Variants in TBC1D5 observed in about 807,000 individuals in gnomAD.
TBC1D5 encodes TBC1 domain family, member 5.
Under a neutral mutation model 100.3 loss-of-function variants are expected in TBC1D5, and 75 were observed. That is an observed-to-expected ratio of 0.75 (90% CI 0.62 to 0.91). TBC1D5 has a LOEUF of 0.91. TBC1D5 is among the 40% of genes least tolerant of loss of function. The pLI is 0.00. For missense variants in TBC1D5, 910 were observed against 942.4 expected, an observed-to-expected ratio of 0.97 and a Z score of 0.45; for synonymous variants, 323 against 325.6, an observed-to-expected ratio of 0.99 and a Z score of 0.09.
intron 2 of TBC1D5, among the ~76,000 whole-genome samples, chr3:17,569,142 T>C (rs945733150): frequency 6.6e-6 from 1 of 151,796 alleles, no homozygotes; most frequent in Non-Finnish European, 1.5e-5. Flanking sequence ...TTATCCTACA[T>C]CATCTAAAAA....
rs111582657 is a variant in TBC1D5 at position 17,576,260 on chromosome 3, A to T, written c.-36+47589T>A. ...AAAAAATGATGGGGGTTGAGAGGTG[A>T]TGGAGGTTTTAAGAGCATGAAGGAA... On this transcript the variant is annotated intron_variant, in intron 2 of 21. Transcript: ENST00000253692. 6.1e-3 allele frequency among the ~76,000 whole-genome samples: 931 copies of T among 152,200 alleles called. 5 individuals are homozygous for T. Among genetic ancestry groups the T allele is most frequent in the Non-Finnish European group, 0.011 (714 of 67,982 alleles).
At chr3:17,161,854 G>C (rs1304176333) in intron 21 of TBC1D5, among the ~76,000 whole-genome samples, 2 of 150,978 alleles carry the variant, frequency 1.3e-5, no homozygotes, top group African/African-American at 2.4e-5. Context: ...GCTCATCTTG[G>C]GTATGCACAC....
chr3:17,697,189 C>T (rs562951402), intron 1 of TBC1D5, among the ~76,000 whole-genome samples: 29 of 152,248 alleles, frequency 1.9e-4, no homozygotes, highest in African/African-American at 6.3e-4. Context: ...CTTGGAAAAT[C>T]GGCACAAGAC....
intron 13 of TBC1D5, among the ~76,000 whole-genome samples, chr3:17,316,369 G>C (rs1334776539): frequency 6.6e-6 from 1 of 152,168 alleles, no homozygotes; most frequent in African/African-American, 2.4e-5. Context: ...TCAGTAGAGA[G>C]AAGTTGCAGA....
At chr3:17,400,513 G>C (rs372711432) in intron 8 of TBC1D5, among the ~76,000 whole-genome samples, 2 of 152,248 alleles carry the variant, frequency 1.3e-5, no homozygotes, top group African/African-American at 4.8e-5. Flanking sequence ...AATGTGGAGA[G>C]AGCCATGGGA....
At chr3:17,713,043 T>C (rs980322534) in intron 1 of TBC1D5, among the ~76,000 whole-genome samples, 6 of 152,148 alleles carry the variant, frequency 3.9e-5, no homozygotes, top group African/African-American at 1.4e-4. Flanking sequence ...TAAACCTCTC[T>C]CTTTACTTGA....
chr3:17,316,989 T>C (rs2084776809), intron 13 of TBC1D5, among the ~76,000 whole-genome samples: 1 of 152,174 alleles, frequency 6.6e-6, no homozygotes, highest in African/African-American at 2.4e-5. Context: ...TAATCATTAA[T>C]GGAAAAAATT....
In TBC1D5 at chr3:17,460,597, T is replaced by C. The variant is rs560887667; in HGVS notation, c.98-32078A>G. 2.6e-5 allele frequency among the ~76,000 whole-genome samples: 4 copies of C among 152,250 alleles called. No individual in the cohort carries two copies. The South Asian group carries it at 6.2e-4, about 24-fold the overall frequency. ...GATCATTTCTATTATGTTATCTATT[T>C]TACACACATTTTATAATTTGACTCT... On this transcript the variant is annotated intron_variant, in intron 3 of 21. Transcript: ENST00000253692.
intron 1 of TBC1D5, among the ~76,000 whole-genome samples, chr3:17,637,957 T>C (rs2064118277): frequency 1.3e-5 from 2 of 152,126 alleles, no homozygotes; most frequent in South Asian, 2.1e-4. Context: ...ATCTAAACAG[T>C]TACTATTAGG....
intron 18 of TBC1D5, among the ~76,000 whole-genome samples, chr3:17,213,953 A>G (rs1308008535): frequency 6.6e-6 from 1 of 151,706 alleles, no homozygotes; most frequent in Non-Finnish European, 1.5e-5. Context: ...GTAGAGAAAA[A>G]AAGGACTGGG....
chr3:17,527,187 G>A lies in TBC1D5; in HGVS notation c.-35-18582C>T, dbSNP rs115958217. ...AGAGGCCTAGGGATAGAGAAAGATGGGATATGACTGAAAGCTTATTTGGGA... is the reference window on the plus strand; with the variant it reads ...AGAGGCCTAGGGATAGAGAAAGATGAGATATGACTGAAAGCTTATTTGGGA... On this transcript the variant is annotated intron_variant, in intron 2 of 21. Transcript: ENST00000253692. Among the ~76,000 whole-genome samples, 528 of 152,248 alleles carry A rather than the reference G, an allele frequency of 3.5e-3. 3 individuals are homozygous for A. The highest frequency in any genetic ancestry group is 0.012 in the African/African-American group (513 of 41,542).
At chr3:17,328,600 C>A (rs977537777) in intron 13 of TBC1D5, among the ~76,000 whole-genome samples, 1 of 152,122 alleles carries the variant, frequency 6.6e-6, no homozygotes, top group Non-Finnish European at 1.5e-5. Context: ...TGTCACGATG[C>A]CACTCAAAAA....
chr3:17,540,667 G>T (rs1348956722), intron 2 of TBC1D5, among the ~76,000 whole-genome samples: 3 of 151,980 alleles, frequency 2.0e-5, no homozygotes, highest in Non-Finnish European at 4.4e-5. Context: ...CCAGCACCTT[G>T]GGAGGCCGAG....
intron 2 of TBC1D5, among the ~76,000 whole-genome samples, chr3:17,528,917 A>G (rs1466751282): frequency 6.6e-6 from 1 of 152,204 alleles, no homozygotes; most frequent in African/African-American, 2.4e-5. Flanking sequence ...CTCGAACTCT[A>G]AGACTTACTA....
chr3:17,472,679 G>A (rs145455996), intron 3 of TBC1D5, among the ~76,000 whole-genome samples: 35 of 152,202 alleles, frequency 2.3e-4, no homozygotes, highest in African/African-American at 7.7e-4. Flanking sequence ...GTTTATACCC[G>A]TAATTCTCAG....
intron 3 of TBC1D5, 38 bp downstream of exon 3, chr3:17,508,436 T>G: frequency 6.5e-7 from 1 of 1,545,472 alleles, no homozygotes; most frequent in Non-Finnish European, 8.9e-7. Flanking sequence ...GGTTTCCCAG[T>G]ACACTACCTA....
chr3:17,667,559 C>T (rs2153768143), intron 1 of TBC1D5, among the ~76,000 whole-genome samples: 2 of 152,046 alleles, frequency 1.3e-5, no homozygotes, highest in East Asian at 3.9e-4. Context: ...TCAAGTGATC[C>T]TCCAACCTCA....
chr3:17,741,192 G>A (rs1183049677), upstream of TBC1D5, among the ~76,000 whole-genome samples: 1 of 152,146 alleles, frequency 6.6e-6, no homozygotes, highest in African/African-American at 2.4e-5. Context: ...ATGCACCATA[G>A]GCCTACTGAA....
intron 18 of TBC1D5, among the ~76,000 whole-genome samples, chr3:17,188,490 C>G (rs963729804): frequency 6.6e-6 from 1 of 152,188 alleles, no homozygotes; most frequent in South Asian, 2.1e-4. Context: ...GAGGACTACT[C>G]TGGCTGAAGC....
Sources: gnomAD v4.1 joint callset for allele counts (sites outside exome capture counted in the v4.1 genomes callset) on GRCh38, gnomAD v4.1.1 for gene constraint, MANE v1.5 for transcripts, NCBI Gene and HGNC (gene_info 2026-07-23, HGNC 2026-07-21) for gene names.